Variants in TP53BP1 observed in about 807,000 individuals in gnomAD.
TP53BP1 encodes the protein TP53-binding protein 1.
A neutral mutation model predicts 200.8 loss-of-function variants in TP53BP1; 61 were observed. The observed-to-expected ratio is 0.30, with a 90% CI of 0.25 to 0.38. The LOEUF (loss-of-function observed/expected upper bound fraction) is 0.38. Among genes scored for constraint, TP53BP1 ranks in the 10% least tolerant of loss-of-function variants. TP53BP1 has a pLI of 1.00. For missense variants in TP53BP1, 2,144 were observed against 2,371.9 expected (o/e 0.90, Z 2.00); for synonymous variants, 822 against 844.3 (o/e 0.97, Z 0.46).
At chr15:43,486,028 C>A (rs943729431) in intron 4 of TP53BP1, among the ~76,000 whole-genome samples, 2 of 151,678 alleles carry the variant, frequency 1.3e-5, no homozygotes, top group Non-Finnish European at 2.9e-5. Flanking sequence ...GTAAACGGAG[C>A]CAGAAGAATT....
intron 16 of TP53BP1, among the ~76,000 whole-genome samples, chr15:43,435,419 A>T (rs1029995932): frequency 6.1e-4 from 93 of 152,234 alleles, no homozygotes; most frequent in African/African-American, 2.2e-3. Flanking sequence ...TCTTTGCTCC[A>T]CCAAGGTTAA....
intron 12 of TP53BP1, among the ~76,000 whole-genome samples, chr15:43,450,614 G>C (rs1165126854): frequency 6.6e-6 from 1 of 152,154 alleles, no homozygotes; most frequent in African/African-American, 2.4e-5. Flanking sequence ...GTTCTGTGTT[G>C]AACAAGATTG....
At chr15:43,431,337 T>C (rs1026189320) in intron 17 of TP53BP1, among the ~76,000 whole-genome samples, 1 of 152,144 alleles carries the variant, frequency 6.6e-6, no homozygotes, top group Non-Finnish European at 1.5e-5. Flanking sequence ...TAGATCCCAC[T>C]CTGCCACTCA....
chr15:43,442,600 C>T (rs2045951939), intron 14 of TP53BP1, among the ~76,000 whole-genome samples: 2 of 151,498 alleles, frequency 1.3e-5, no homozygotes, highest in African/African-American at 2.4e-5. Flanking sequence ...TGGGTTCAAG[C>T]GATTCTCATG....
chr15:43,482,854 C>T (rs1193983759), intron 4 of TP53BP1, among the ~76,000 whole-genome samples: 3 of 152,064 alleles, frequency 2.0e-5, no homozygotes, highest in Non-Finnish European at 4.4e-5. Context: ...CGCTTGAACC[C>T]AGGAGGTGGA....
Position 43,492,075 on chromosome 15 carries a change from T to A in TP53BP1, c.213A>T (p.Glu71Asp). The A allele has an allele frequency of 6.2e-7, 1 of 1,613,864 alleles. No individual in the cohort carries two copies. Among genetic ancestry groups the A allele is most frequent in the Non-Finnish European group, 8.5e-7 (1 of 1,179,722 alleles). Residue 71 changes from glutamate (E) to aspartate (D), a missense_variant, in exon 3 of 28, where the codon GAA becomes GAT. Around this residue, in one of 4 missense-constraint regions of TP53BP1, gnomAD observed 1,700 missense variants for 1,710.3 expected, o/e 0.99. Coordinates refer to ENST00000382044, the MANE Select transcript of TP53BP1 (RefSeq NM_001141980.3). ...NPVLDVVSNP[E>D]QTAGEERGDG... ...CTCCTCGTTCTTCTCCAGCTGTTTG[T>A]TCAGGATTGGACACAACATCCTAGA...
chr15:43,434,081 G>A (rs537819292), intron 16 of TP53BP1, among the ~76,000 whole-genome samples: 1 of 152,272 alleles, frequency 6.6e-6, no homozygotes, highest in African/African-American at 2.4e-5. Context: ...GAAGAGCTTA[G>A]TATAAATTTG....
chr15:43,466,996 G>A (rs1178864664), intron 11 of TP53BP1, among the ~76,000 whole-genome samples: 2 of 152,022 alleles, frequency 1.3e-5, no homozygotes, highest in African/African-American at 4.8e-5. Context: ...TATTTTTGGG[G>A]TTTTACACAT....
In TP53BP1 at chr15:43,406,410, T is replaced by A; in HGVS notation, c.*973A>T. The A allele has an allele frequency of 5.9e-6, 2 of 339,666 alleles. No individual in the cohort carries two copies. The highest frequency in any genetic ancestry group is 4.8e-5 in the South Asian group (2 of 41,654). 21.0% of individuals were successfully genotyped at this position (339,666 alleles called of 1,614,324 possible). On this transcript the variant is annotated 3_prime_UTR_variant, in exon 28 of 28. Coordinates refer to ENST00000382044, the MANE Select transcript of TP53BP1 (RefSeq NM_001141980.3). ...AACTAAAGATCACCCTTTCTACTGC[T>A]GTCTCTGGAGCAGGAGCTGGCAAAC...
At chr15:43,421,237 TC>T in intron 19 of TP53BP1, 63 bp from the exon 20 acceptor site, 1 of 1,569,518 alleles carries the variant, frequency 6.4e-7, no homozygotes, top group Non-Finnish European at 8.7e-7. Flanking sequence ...TCACAAAGTC[TC>T]CCCTTGGCCC....
At chr15:43,501,036 A>C (rs1379136875) in intron 1 of TP53BP1, among the ~76,000 whole-genome samples, 1 of 152,100 alleles carries the variant, frequency 6.6e-6, no homozygotes, top group Non-Finnish European at 1.5e-5. Flanking sequence ...TGTCTAAAAA[A>C]CACATATATA....
chr15:43,437,021 C>T (rs2045814566), intron 16 of TP53BP1, among the ~76,000 whole-genome samples: 1 of 151,822 alleles, frequency 6.6e-6, no homozygotes, highest in Non-Finnish European at 1.5e-5. Flanking sequence ...TAGCCAGACA[C>T]GGCAGCACAT....
intron 1 of TP53BP1, among the ~76,000 whole-genome samples, chr15:43,501,530 T>C (rs2079209366): frequency 6.6e-6 from 1 of 152,150 alleles, no homozygotes; most frequent in Non-Finnish European, 1.5e-5. Context: ...TTGATGAGCT[T>C]TGACAAACAT....
chr15:43,419,813 C>T (rs1405194328), intron 21 of TP53BP1, among the ~76,000 whole-genome samples: 1 of 152,030 alleles, frequency 6.6e-6, no homozygotes, highest in Non-Finnish European at 1.5e-5. Context: ...TCATGAAAAA[C>T]AAAAGACTGA....
intron 1 of TP53BP1, among the ~76,000 whole-genome samples, chr15:43,508,841 T>G: frequency 6.6e-6 from 1 of 152,132 alleles, no homozygotes; most frequent in East Asian, 1.9e-4. Context: ...TAATCTACAT[T>G]TGCACTGTAA....
At chr15:43,457,281 A>C in intron 11 of TP53BP1, 63 bp from the exon 12 acceptor site, 1 of 1,352,194 alleles carries the variant, frequency 7.4e-7, no homozygotes, top group Non-Finnish European at 9.8e-7. Flanking sequence ...TTTATATCGA[A>C]TCCTTGGATT....
chr15:43,424,365 A>G (rs1041832276), intron 18 of TP53BP1, among the ~76,000 whole-genome samples: 8 of 152,188 alleles, frequency 5.3e-5, no homozygotes, highest in Non-Finnish European at 8.8e-5. Context: ...TCTCTCATGC[A>G]TGAAGACCTT....
Position 43,463,884 on chromosome 15 carries a change from A to C in TP53BP1, c.1389+5974T>G, listed in dbSNP as rs535493156. Among the ~76,000 whole-genome samples, 12 of 152,320 alleles carry C rather than the reference A, an allele frequency of 7.9e-5. 1 individual carries two copies. Among genetic ancestry groups the C allele is most frequent in the African/African-American group, 2.9e-4 (12 of 41,570 alleles). ...AGATTAAATGAAAATCTACATATTG[A>C]ATGAAACCTGCACCTGCCTCCCAAC... On this transcript the variant is annotated intron_variant, in intron 11 of 27. Coordinates refer to ENST00000382044, the MANE Select transcript of TP53BP1 (RefSeq NM_001141980.3).
intron 13 of TP53BP1, chr15:43,447,059 A>G: frequency 2.1e-6 from 1 of 468,568 alleles, no homozygotes; most frequent in Non-Finnish European, 4.1e-6. Flanking sequence ...TTCCTGTTCC[A>G]TCCTTATAAA....
Sources: allele counts gnomAD v4.1 joint callset (sites outside exome capture counted in the v4.1 genomes callset), GRCh38; gene constraint gnomAD v4.1.1; regional missense constraint gnomAD v4.1.1; transcripts MANE v1.5; gene names NCBI Gene and HGNC (gene_info 2026-07-23, HGNC 2026-07-21).